The following PIP5K1C variants were observed in gnomAD, a reference collection of about 807,000 sequenced individuals.
The protein encoded by PIP5K1C is phosphatidylinositol 4-phosphate 5-kinase type-1 gamma.
A neutral mutation model predicts 80.1 loss-of-function variants in PIP5K1C; 45 were observed. The observed-to-expected ratio is 0.56, with a 90% CI of 0.44 to 0.72. The LOEUF (loss-of-function observed/expected upper bound fraction) is 0.72. Among genes scored for constraint, PIP5K1C ranks in the 30% least tolerant of loss-of-function variants. The pLI, the probability that PIP5K1C is intolerant of heterozygous loss-of-function variation, is 0.00. For synonymous variants in PIP5K1C, 498 were observed against 420.1 expected, an observed-to-expected ratio of 1.19 and a Z score of -2.27; for missense variants, 753 against 954.6, an observed-to-expected ratio of 0.79 and a Z score of 2.78.
chr19:3,686,908 C>G (rs1269134705), intron 1 of PIP5K1C, among the ~76,000 whole-genome samples: 2 of 151,104 alleles, frequency 1.3e-5, no homozygotes, highest in Non-Finnish European at 3.0e-5. Context: ...AAAAACAGAT[C>G]AAGGCCAGGT....
intron 5 of PIP5K1C, among the ~76,000 whole-genome samples, chr19:3,658,384 T>C (rs1328025161): frequency 3.3e-5 from 5 of 152,212 alleles, no homozygotes; most frequent in African/African-American, 1.2e-4. Context: ...TCCAGGCCAC[T>C]GCTGTCGCCC....
intron 12 of PIP5K1C, among the ~76,000 whole-genome samples, 166 bp downstream of exon 12, chr19:3,643,921 C>T (rs1005839396): frequency 6.6e-6 from 1 of 152,164 alleles, no homozygotes; most frequent in Non-Finnish European, 1.5e-5. Context: ...CTGGGCTCTT[C>T]CCTGGGGCGG....
intron 17 of PIP5K1C, 27 bp downstream of exon 17, chr19:3,633,410 C>T (rs906820023): frequency 1.9e-5 from 27 of 1,411,870 alleles, no homozygotes; most frequent in African/African-American, 1.2e-4. Flanking sequence ...CCCACGGGAC[C>T]GGCGGGTGCA....
chr19:3,658,000 G>A (rs981624623), intron 5 of PIP5K1C, among the ~76,000 whole-genome samples: 2 of 152,174 alleles, frequency 1.3e-5, no homozygotes, highest in Admixed American at 6.5e-5. Flanking sequence ...GGCTTGAGGC[G>A]TGAGTTGGGT....
chr19:3,637,457 C>G lies in PIP5K1C; in HGVS notation c.1920+1427G>C. On this transcript the variant is annotated intron_variant, in intron 16 of 17. Transcript: ENST00000335312. The surrounding 1 kb of genome is among the most constrained non-coding windows in gnomAD (Gnocchi z 7.0). ...ACAACTGACGTCAGACACTGAGCTT[C>G]CGGCCGGGGACCTGCGGCTCCCTGC... The G allele has an allele frequency of 1.3e-6, 2 of 1,535,730 alleles. No homozygotes were observed. Among genetic ancestry groups the G allele is most frequent in the South Asian group, 1.2e-5 (1 of 84,064 alleles).
chr19:3,668,438 T>G (rs1389943716), intron 1 of PIP5K1C: 2 of 152,176 alleles, frequency 1.3e-5, no homozygotes, highest in Non-Finnish European at 2.9e-5. Context: ...GGCTGCGCTG[T>G]GGCTGTGAAG....
chr19:3,640,330 A>G lies in PIP5K1C; in HGVS notation c.1788-1314T>C, dbSNP rs1365102791. ...GGAGTTCGAGACCAGCCTGGTCAAC[A>G]TGGTGAAACCCCATCTCTACTAAAA... is the stretch of plus-strand genomic sequence containing the variant. On this transcript the variant is annotated intron_variant, in intron 15 of 17. Transcript: ENST00000335312. Among the ~76,000 whole-genome samples, 5 of 152,246 alleles carry G rather than the reference A, an allele frequency of 3.3e-5. No individual in the cohort carries two copies. The South Asian group carries it at 1.0e-3, about 32-fold the overall frequency.
intron 1 of PIP5K1C, among the ~76,000 whole-genome samples, chr19:3,684,204 C>T (rs2035682101): frequency 6.6e-6 from 1 of 152,146 alleles, no homozygotes; most frequent in Non-Finnish European, 1.5e-5. Flanking sequence ...GCAGTGGTAA[C>T]CACACCAGTC....
rs545865788 is a variant in PIP5K1C at position 3,660,503 on chromosome 19, A to T, written c.468+463T>A. Among the ~76,000 whole-genome samples, 4 of 152,222 alleles carry T rather than the reference A, an allele frequency of 2.6e-5. No homozygotes were observed. The South Asian group carries it at 8.3e-4, about 32-fold the overall frequency. ...TGCTAGGTCAAAGGGGTTGGCCTAG[A>T]TTTTGACTTTGCTAACCTGAAACAA... On this transcript the variant is annotated intron_variant, in intron 5 of 17. Transcript: ENST00000335312.
At chr19:3,694,744 C>T (rs547987567) in intron 1 of PIP5K1C, among the ~76,000 whole-genome samples, 24 of 152,372 alleles carry the variant, frequency 1.6e-4, no homozygotes, top group African/African-American at 4.6e-4. Flanking sequence ...CTGCCTACAT[C>T]GCCTGAGCCA....
Position 3,644,196 on chromosome 19 carries a change from T to C in PIP5K1C, c.1401A>G (p.Lys467=). 1 of 1,612,226 alleles carries C rather than the reference T, an allele frequency of 6.2e-7. No individual in the cohort carries two copies. Among genetic ancestry groups the C allele is most frequent in the Non-Finnish European group, 8.5e-7 (1 of 1,179,840 alleles). ...KGRGGALLAV[K]PLGPTAAFSA... The stretch of plus-strand genomic sequence containing the variant: ...AGAAGGCAGCGGTGGGCCCCAGCGG[T>C]TTCACAGCTAGCAAGGCTCCGCCGC... Residue 467 remains lysine (K), a synonymous_variant, in exon 12 of 18, where the codon AAA becomes AAG. Coordinates refer to ENST00000335312, the MANE Select transcript of PIP5K1C (RefSeq NM_012398.3).
rs1426364430 is a variant in PIP5K1C, at chr19:3,648,693, G to A, written c.1143C>T (p.Pro381=). The change falls in exon 9 of 18, where the codon CCC becomes CCT. Residue 381 remains proline, a synonymous_variant. Transcript: ENST00000335312. This position sits in a 1 kb window ranked among gnomAD's most constrained non-coding sequence, Gnocchi z 4.3. ...IESDDTMGGI[P]AVNGRGERLL... is the part of the protein sequence containing the mutation. The stretch of plus-strand genomic sequence containing the variant: ...GCCGCTCCCCGCGGCCGTTCACAGC[G>A]GGGATCCCGCCCATCCTGGGGAGAG... The A allele has an allele frequency of 1.4e-5, 23 of 1,612,956 alleles. No homozygotes were observed. The highest frequency in any genetic ancestry group is 1.7e-4 in the Middle Eastern group (1 of 6,056).
chr19:3,678,442 A>AGATGGAGGATGGAGG (rs1323246852), intron 1 of PIP5K1C, among the ~76,000 whole-genome samples: 7 of 63,820 alleles, frequency 1.1e-4, no homozygotes, highest in African/African-American at 3.7e-4. Context: ...GAGGATGGAG[A>AGATGGAGGATGGAGG]GATGGAGGAT....
rs75121740 is a variant in PIP5K1C, at chr19:3,698,476, A to G, written c.94+1821T>C. On this transcript the variant is annotated intron_variant, in intron 1 of 17. Transcript: ENST00000335312. ...GGGTGGGGAGACTCCAGATGACCAG[A>G]GATAAAAAGCAAGCAGTTCACAGAG... Among the ~76,000 whole-genome samples, 271 of 152,306 alleles carry G rather than the reference A, an allele frequency of 1.8e-3. 10 individuals carry two copies. The East Asian group carries it at 0.041, about 23-fold the overall frequency.
chr19:3,652,458 G>A (rs1019932521), intron 7 of PIP5K1C, among the ~76,000 whole-genome samples: 23 of 152,314 alleles, frequency 1.5e-4, no homozygotes, highest in African/African-American at 5.5e-4. Context: ...CGGTTTTCTG[G>A]GGGTATGGGT....
chr19:3,653,204 C>T, intron 7 of PIP5K1C, 86 bp downstream of exon 7: 1 of 1,330,638 alleles, frequency 7.5e-7, no homozygotes, highest in East Asian at 2.4e-5. Context: ...GCCTGGCACC[C>T]TCCCTGGCCC....
At chr19:3,683,788 C>T (rs375504698) in intron 1 of PIP5K1C, among the ~76,000 whole-genome samples, 5 of 152,238 alleles carry the variant, frequency 3.3e-5, no homozygotes, top group African/African-American at 1.2e-4. Flanking sequence ...GGGGCAGGAC[C>T]GTGTCTGGAG....
chr19:3,664,554 C>T (rs1199566991), intron 3 of PIP5K1C, among the ~76,000 whole-genome samples: 3 of 152,168 alleles, frequency 2.0e-5, no homozygotes, highest in Non-Finnish European at 4.4e-5. Flanking sequence ...AGGCTCTGCC[C>T]GAGGTTTCAG....
At chr19:3,662,074 G>A in intron 3 of PIP5K1C, 73 bp from the exon 4 acceptor site, 1 of 1,513,032 alleles carries the variant, frequency 6.6e-7, no homozygotes, top group Non-Finnish European at 8.9e-7. Context: ...GTGCACCGGG[G>A]GGTGGAGATC....
Sources: allele counts gnomAD v4.1 joint callset (sites outside exome capture counted in the v4.1 genomes callset), GRCh38; gene constraint gnomAD v4.1.1; non-coding constraint Gnocchi (gnomAD v3.1); transcripts MANE v1.5; gene names NCBI Gene and HGNC (gene_info 2026-07-23, HGNC 2026-07-21).